Variants in PARN observed in about 807,000 individuals in gnomAD.
The protein encoded by PARN is poly(A)-specific ribonuclease PARN.
Under a neutral mutation model 102.8 loss-of-function variants are expected in PARN, and 71 were observed. The observed-to-expected ratio is 0.69, with a 90% confidence interval of 0.57 to 0.84. The LOEUF (loss-of-function observed/expected upper bound fraction) is 0.84. PARN is among the 40% of genes least tolerant of loss of function. PARN has a pLI of 0.00. For missense variants in PARN, 782 were observed against 760.9 expected (o/e 1.03, Z -0.33); for synonymous variants, 261 against 252.9 (o/e 1.03, Z -0.30).
intron 22 of PARN, among the ~76,000 whole-genome samples, chr16:14,456,817 C>T (rs1014753963): frequency 2.0e-5 from 3 of 152,176 alleles, no homozygotes; most frequent in South Asian, 2.1e-4. Context: ...AAGAGACCCC[C>T]GCACCATCCC....
In PARN at chr16:14,614,074, T is replaced by C. The variant is rs545793329; in HGVS notation, c.389-3265A>G. Among the ~76,000 whole-genome samples the C allele has an allele frequency of 1.2e-4, 19 of 152,122 alleles. No individual in the cohort carries two copies. In the East Asian group the frequency reaches 2.3e-3, roughly 19 times the overall value. On this transcript the variant is annotated intron_variant, in intron 6 of 23. Transcript: ENST00000437198. ...GAGTTTGAGACCAGCCTGGACAATA[T>C]AGTGAGACCCTGCCTCTATAAAAAA...
chr16:14,571,392 A>G (rs1296349518), intron 18 of PARN, among the ~76,000 whole-genome samples: 1 of 152,186 alleles, frequency 6.6e-6, no homozygotes, highest in Non-Finnish European at 1.5e-5. Flanking sequence ...TGAAAACACA[A>G]TACAGAACTA....
intron 21 of PARN, 116 bp from the exon 22 acceptor site, chr16:14,482,943 T>G (rs1366207650): frequency 3.9e-6 from 3 of 767,716 alleles, no homozygotes; most frequent in Non-Finnish European, 5.9e-6. Flanking sequence ...GCCTGAGGTC[T>G]GACCCTTGGC....
chr16:14,596,084 G>A (rs1050255831), intron 12 of PARN, among the ~76,000 whole-genome samples: 8 of 152,154 alleles, frequency 5.3e-5, no homozygotes, highest in African/African-American at 7.2e-5. Flanking sequence ...CAGTGAGAGG[G>A]CTTAGAAGCA....
intron 7 of PARN, 140 bp downstream of exon 7, chr16:14,610,504 T>C (rs561197233): frequency 1.9e-4 from 93 of 488,868 alleles, no homozygotes; most frequent in African/African-American, 1.6e-3. Context: ...TTTTTTAATA[T>C]GCCACAATTA....
intron 21 of PARN, among the ~76,000 whole-genome samples, chr16:14,494,194 G>A (rs2151615142): frequency 6.6e-6 from 1 of 152,240 alleles, no homozygotes; most frequent in African/African-American, 2.4e-5. Context: ...AGTCTCTCAT[G>A]GACATTAATG....
intron 21 of PARN, among the ~76,000 whole-genome samples, chr16:14,529,241 G>C (rs547481975): frequency 3.3e-5 from 5 of 152,340 alleles, no homozygotes; most frequent in Non-Finnish European, 5.9e-5. Context: ...TACTTAGCAT[G>C]AATAAGCATT....
At chr16:14,439,791 GGATCACGAGGTCAGGGGTTCGA>G (rs1490792556) in intron 23 of PARN, among the ~76,000 whole-genome samples, 4 of 152,192 alleles carry the variant, frequency 2.6e-5, no homozygotes, top group Non-Finnish European at 5.9e-5. Flanking sequence ...TGAGGCCGGT[GGATCACGAGGTCAGGGGTTCGA>G]GACCACCCTG....
intron 2 of PARN, 104 bp downstream of exon 2, chr16:14,629,493 A>G (rs1972895422): frequency 1.2e-6 from 1 of 838,182 alleles, no homozygotes; most frequent in Middle Eastern, 3.1e-4. Flanking sequence ...GGCTACTAAC[A>G]GCAAGAGGCC....
At chr16:14,516,800 AAC>A (rs1054899369) in intron 21 of PARN, among the ~76,000 whole-genome samples, 1 of 152,234 alleles carries the variant, frequency 6.6e-6, no homozygotes, top group Non-Finnish European at 1.5e-5. Flanking sequence ...TTACCTGTAA[AAC>A]AGAGACTAAA....
At chr16:14,573,347 T>C (rs1432061296) in intron 18 of PARN, among the ~76,000 whole-genome samples, 1 of 152,214 alleles carries the variant, frequency 6.6e-6, no homozygotes, top group Non-Finnish European at 1.5e-5. Flanking sequence ...CTTCTGGTAA[T>C]CTTCAAGTTT....
intron 21 of PARN, among the ~76,000 whole-genome samples, chr16:14,504,833 G>GTTTCATATGGGTA (rs1964805281): frequency 6.6e-6 from 1 of 152,138 alleles, no homozygotes; most frequent in Non-Finnish European, 1.5e-5. Context: ...AAGCAGTACA[G>GTTTCATATGGGTA]TTTCATATGG....
chr16:14,447,170 T>A, intron 22 of PARN, 89 bp from the exon 23 acceptor site: 1 of 808,900 alleles, frequency 1.2e-6, no homozygotes, highest in Non-Finnish European at 1.8e-6. Context: ...CTTAATTCTA[T>A]TAACACTCAG....
At chr16:14,483,146 T>G (rs1366299906) in intron 21 of PARN, among the ~76,000 whole-genome samples, 1 of 152,254 alleles carries the variant, frequency 6.6e-6, no homozygotes, top group African/African-American at 2.4e-5. Flanking sequence ...ACATTACTAT[T>G]TGGATATTAT....
At chr16:14,589,104 C>T (rs1426930204) in intron 13 of PARN, among the ~76,000 whole-genome samples, 1 of 149,514 alleles carries the variant, frequency 6.7e-6, no homozygotes, top group Non-Finnish European at 1.5e-5. Flanking sequence ...CGCTTGGATC[C>T]GGTAGGCAGA....
chr16:14,598,828 T>G (rs1233307613), intron 12 of PARN, among the ~76,000 whole-genome samples: 1 of 152,080 alleles, frequency 6.6e-6, no homozygotes, highest in Non-Finnish European at 1.5e-5. Flanking sequence ...CATGAAACCT[T>G]GAGAGGGTTT....
chr16:14,610,287 A>G lies in PARN; in HGVS notation c.554+357T>C, dbSNP rs577295741. On this transcript the variant is annotated intron_variant, in intron 7 of 23. Coordinates refer to ENST00000437198, the MANE Select transcript of PARN (RefSeq NM_002582.4). ...CAGGAGTTCGAGACCAGCGTGGCCA[A>G]CATGGCAAAACCTCGTCTCTACTAA... Among the ~76,000 whole-genome samples, 8 of 152,202 alleles carry G rather than the reference A, an allele frequency of 5.3e-5. No individual in the cohort carries two copies. The East Asian group carries it at 1.5e-3, about 29-fold the overall frequency.
chr16:14,436,746 T>C lies in PARN; in HGVS notation c.1891A>G (p.Thr631Ala), dbSNP rs200677089. ...CATGTGTCAGGAACTTCAAAGAGTG[T>C]GGCAGGGCTGTTCTTCGAGATGCTT... ...AGSISKNSPA[T>A]LFEVPDTW is the part of the protein sequence containing the mutation. The change falls in exon 24 of 24, where the codon ACA (threonine) becomes GCA (alanine). Residue 631 changes from threonine to alanine, a missense_variant. By Grantham distance (58) the Thr-to-Ala change is moderately conservative. Coordinates refer to ENST00000437198, the MANE Select transcript of PARN (RefSeq NM_002582.4). 2.8e-5 allele frequency: 45 copies of C among 1,598,746 alleles called. No individual in the cohort carries two copies. Among genetic ancestry groups the C allele is most frequent in the Admixed American group, 3.5e-5 (2 of 57,414 alleles).
chr16:14,569,397 G>A (rs367857217), intron 18 of PARN, among the ~76,000 whole-genome samples: 8 of 152,112 alleles, frequency 5.3e-5, no homozygotes, highest in African/African-American at 9.7e-5. Context: ...CCAACCAGGT[G>A]GAGATTATGA....
Sources: allele counts gnomAD v4.1 joint callset (sites outside exome capture counted in the v4.1 genomes callset), GRCh38; gene constraint gnomAD v4.1.1; transcripts MANE v1.5; gene names NCBI Gene and HGNC (gene_info 2026-07-23, HGNC 2026-07-21).